Variants in THEMIS observed in about 807,000 individuals in gnomAD.
THEMIS encodes the protein thymocyte selection associated.
In THEMIS, 37 loss-of-function variants were observed where a neutral mutation model predicts 52.6. The observed-to-expected ratio is 0.70, with a 90% CI of 0.54 to 0.93. The LOEUF is 0.93. Ranked by LOEUF, THEMIS falls within the 40% of genes least tolerant of loss-of-function variation. The pLI is 0.00. For missense variants in THEMIS, 808 were observed against 763.1 expected (o/e 1.06, Z -0.69); for synonymous variants, 292 against 272.7 (o/e 1.07, Z -0.70).
Position 127,812,997 on chromosome 6 carries a change from G to A in THEMIS, c.1644C>T (p.Ser548=), listed in dbSNP as rs758875717. The A allele has an allele frequency of 4.3e-6, 7 of 1,614,004 alleles. No individual in the cohort carries two copies. The South Asian group carries it at 6.6e-5, about 15-fold the overall frequency. ...GGCGAGGTGGGGGATGTGAGGCTGA[G>A]CTTTCATATCTCCGCATCATGTAAT... ...EQYYMMRRYE[S]SASHPPPRPP... is the part of the protein sequence containing the mutation. Residue 548 remains serine (S), a synonymous_variant, in exon 4 of 6, where the codon AGC becomes AGT. Coordinates refer to ENST00000368248, the MANE Select transcript of THEMIS (RefSeq NM_001010923.3).
intron 1 of THEMIS, among the ~76,000 whole-genome samples, chr6:127,871,091 A>G (rs981026262): frequency 1.3e-5 from 2 of 152,184 alleles, no homozygotes; most frequent in Non-Finnish European, 2.9e-5. Context: ...TGTGCCATAA[A>G]ACAAATCTCA....
downstream of THEMIS, among the ~76,000 whole-genome samples, chr6:127,705,408 T>C (rs1278670115): frequency 6.6e-6 from 1 of 152,200 alleles, no homozygotes; most frequent in Non-Finnish European, 1.5e-5. Flanking sequence ...GAACCATTTC[T>C]CACAAAGGCT....
In THEMIS at chr6:127,742,182, G is replaced by A. The variant is rs1051966338; in HGVS notation, c.1759-22359C>T. ...GCAAAAAGATTAGCTGGGCATGGTG[G>A]TGTGTGCCTGTAGTCCCAGCTACTT... On this transcript the variant is annotated intron_variant, in intron 4 of 5. Coordinates refer to ENST00000368248, the MANE Select transcript of THEMIS (RefSeq NM_001010923.3). 2.6e-5 allele frequency among the ~76,000 whole-genome samples: 4 copies of A among 151,956 alleles called. No individual in the cohort carries two copies. The South Asian group carries it at 8.3e-4, about 32-fold the overall frequency.
In THEMIS at chr6:127,801,705, C is replaced by T. The variant is rs114876497; in HGVS notation, c.1758+11178G>A. 1.9e-3 allele frequency among the ~76,000 whole-genome samples: 283 copies of T among 152,218 alleles called. 1 individual carries two copies. The highest frequency in any genetic ancestry group is 6.5e-3 in the African/African-American group (269 of 41,530). On this transcript the variant is annotated intron_variant, in intron 4 of 5. Transcript: ENST00000368248. Reference sequence around the variant, plus strand: ...ATAAACCCTGCGCTGCCTGAGGCAACGGTGATGGCCTCCCCTGAGGCGGTT... The same window carrying T: ...ATAAACCCTGCGCTGCCTGAGGCAATGGTGATGGCCTCCCCTGAGGCGGTT...
At chr6:127,854,967 G>T in intron 2 of THEMIS, 63 bp downstream of exon 2, 1 of 1,432,696 alleles carries the variant, frequency 7.0e-7, no homozygotes, top group Middle Eastern at 1.8e-4. Flanking sequence ...TTTTGGTTGT[G>T]TATATATACA....
At chr6:127,730,185 T>G (rs1774716227) in intron 4 of THEMIS, among the ~76,000 whole-genome samples, 1 of 151,524 alleles carries the variant, frequency 6.6e-6, no homozygotes, top group Non-Finnish European at 1.5e-5. Flanking sequence ...GAGGATTGCT[T>G]TAGTCTAGGA....
chr6:127,865,474 T>C (rs1779945773), intron 1 of THEMIS, among the ~76,000 whole-genome samples: 1 of 152,138 alleles, frequency 6.6e-6, no homozygotes, highest in African/African-American at 2.4e-5. Flanking sequence ...AGGAAAAAAG[T>C]TGTCCAAGAC....
Position 127,719,772 on chromosome 6 carries a change from C to T in THEMIS, c.1810G>A (p.Asp604Asn), listed in dbSNP as rs149528454. 50 of 1,612,298 alleles carry T rather than the reference C, an allele frequency of 3.1e-5. No individual in the cohort carries two copies. Among genetic ancestry groups the T allele is most frequent in the Non-Finnish European group, 3.9e-5 (46 of 1,179,006 alleles). The change falls in exon 5 of 6, where the codon GAT (aspartate) becomes AAT (asparagine). Residue 604 changes from aspartate to asparagine, a missense_variant. Coordinates refer to ENST00000368248, the MANE Select transcript of THEMIS (RefSeq NM_001010923.3). ...KKLHPNQAGL[D>N]SKVLIGSQND... ...TGACTACCAATCAGTACTTTTGAAT[C>T]CAGGCCAGCTTGATTTGGGTGAAGT...
At chr6:127,779,989 G>T (rs1395853648) in intron 4 of THEMIS, among the ~76,000 whole-genome samples, 1 of 152,050 alleles carries the variant, frequency 6.6e-6, no homozygotes, top group Non-Finnish European at 1.5e-5. Flanking sequence ...TCTAATATGG[G>T]CAGCAGAGTG....
At chr6:127,759,350 C>T (rs181500851) in intron 4 of THEMIS, among the ~76,000 whole-genome samples, 65 of 152,230 alleles carry the variant, frequency 4.3e-4, no homozygotes, top group African/African-American at 1.5e-3. Context: ...ATATACATCT[C>T]TGACTGTAAC....
chr6:127,709,888 G>T lies in THEMIS; in HGVS notation c.*97C>A. 1 of 1,033,602 alleles carries T rather than the reference G, an allele frequency of 9.7e-7. No individual in the cohort carries two copies. 64.0% of individuals were successfully genotyped at this position (1,033,602 alleles called of 1,614,324 possible). On this transcript the variant is annotated 3_prime_UTR_variant, in exon 6 of 6. Transcript: ENST00000368248. ...AGCGATGAATCAAGTTTCTTCTGGA[G>T]TCCATTGGGGAATACTCGTTTTTCA...
chr6:127,812,856 G>C (rs371368528), intron 4 of THEMIS, 27 bp downstream of exon 4: 1 of 1,540,404 alleles, frequency 6.5e-7, no homozygotes, highest in East Asian at 2.3e-5. Context: ...ACACTCCAGA[G>C]AAAACATTGC....
chr6:127,912,094 G>A (rs1781426067), intron 1 of THEMIS, among the ~76,000 whole-genome samples: 1 of 152,174 alleles, frequency 6.6e-6, no homozygotes. Context: ...AAGGCTACAG[G>A]AACCCACCTC....
chr6:127,882,803 T>A (rs1780526033), intron 1 of THEMIS, among the ~76,000 whole-genome samples: 1 of 151,916 alleles, frequency 6.6e-6, no homozygotes. Flanking sequence ...TAGAATACAA[T>A]ACTGTGATTT....
rs144736833 is a variant in THEMIS, at chr6:127,829,832, T to C, written c.353A>G (p.Tyr118Cys). Residue 118 changes from tyrosine to cysteine, a missense_variant, in exon 3 of 6, where the codon TAT becomes TGT. Physicochemically the swap from Tyr to Cys is radical, Grantham distance 194 (BLOSUM62 -2). Transcript: ENST00000368248. ...GPSRLGHPCF[Y>C]HQKDIKLENL... is the part of the protein sequence containing the mutation. Reference sequence around the variant, plus strand: ...CTCTAGTTTTATATCCTTCTGATGATAGAAGCAAGGATGCCCTAGTCTACT... The same window carrying C: ...CTCTAGTTTTATATCCTTCTGATGACAGAAGCAAGGATGCCCTAGTCTACT... The C allele has an allele frequency of 2.8e-5, 45 of 1,614,050 alleles. No individual in the cohort carries two copies. The highest frequency in any genetic ancestry group is 3.7e-5 in the Non-Finnish European group (44 of 1,180,032).
chr6:127,724,480 T>C (rs986968885), intron 4 of THEMIS, among the ~76,000 whole-genome samples: 1 of 152,110 alleles, frequency 6.6e-6, no homozygotes, highest in African/African-American at 2.4e-5. Flanking sequence ...ACCTGAAGGT[T>C]GGGTCCAGAG....
intron 2 of THEMIS, among the ~76,000 whole-genome samples, chr6:127,834,439 C>G (rs1000250651): frequency 7.4e-6 from 1 of 134,702 alleles, no homozygotes; most frequent in African/African-American, 2.7e-5. Flanking sequence ...AAAAAAAAAG[C>G]TGGGCGTGGT....
At chr6:127,797,525 T>C (rs1777370367) in intron 4 of THEMIS, among the ~76,000 whole-genome samples, 1 of 152,200 alleles carries the variant, frequency 6.6e-6, no homozygotes, top group Admixed American at 6.5e-5. Context: ...GAAGCTCTAG[T>C]CACAGCCTCT....
At chr6:127,847,875 G>A (rs143566421) in intron 2 of THEMIS, among the ~76,000 whole-genome samples, 4 of 148,460 alleles carry the variant, frequency 2.7e-5, no homozygotes, top group East Asian at 2.0e-4. Context: ...GAGGGATCAC[G>A]TTACTCAATT....
Sources: allele counts gnomAD v4.1 joint callset (sites outside exome capture counted in the v4.1 genomes callset), GRCh38; gene constraint gnomAD v4.1.1; transcripts MANE v1.5; gene names NCBI Gene and HGNC (gene_info 2026-07-23, HGNC 2026-07-21).